The following ENOX1 variants were observed in gnomAD, a reference collection of about 807,000 sequenced individuals.
ENOX1 encodes candidate growth-related and time keeping constitutive hydroquinone (NADH) oxidase.
A neutral mutation model predicts 82.5 loss-of-function variants in ENOX1; 42 were observed. The observed-to-expected ratio is 0.51, with a 90% CI of 0.40 to 0.66. The LOEUF (loss-of-function observed/expected upper bound fraction) is 0.66. Among genes scored for constraint, ENOX1 ranks in the 30% least tolerant of loss-of-function variants. The pLI, the probability that ENOX1 is intolerant of heterozygous loss-of-function variation, is 0.00. For synonymous variants in ENOX1, 271 were observed against 282.2 expected, an observed-to-expected ratio of 0.96 and a Z score of 0.40; for missense variants, 608 against 811.6, an observed-to-expected ratio of 0.75 and a Z score of 3.05.
chr13:43,692,120 T>C (rs1445674148), intron 1 of ENOX1, among the ~76,000 whole-genome samples: 1 of 152,154 alleles, frequency 6.6e-6, no homozygotes, highest in Non-Finnish European at 1.5e-5. Context: ...AATTGACATA[T>C]GGAACAGAAT....
At chr13:43,673,325 T>C (rs1327222487) in intron 1 of ENOX1, among the ~76,000 whole-genome samples, 1 of 152,104 alleles carries the variant, frequency 6.6e-6, no homozygotes, top group Non-Finnish European at 1.5e-5. Context: ...ACCATATCCC[T>C]GACACATACG....
chr13:43,736,819 G>A (rs962931801), intron 1 of ENOX1, among the ~76,000 whole-genome samples: 1 of 152,134 alleles, frequency 6.6e-6, no homozygotes, highest in Admixed American at 6.5e-5. Flanking sequence ...TGAAGAAAAG[G>A]GAGGCAGAAA....
chr13:43,345,547 G>A (rs1452170888), intron 8 of ENOX1, among the ~76,000 whole-genome samples: 1 of 152,166 alleles, frequency 6.6e-6, no homozygotes, highest in Non-Finnish European at 1.5e-5. Flanking sequence ...AAACAGACTT[G>A]CCTATTTGGG....
intron 8 of ENOX1, among the ~76,000 whole-genome samples, chr13:43,352,421 C>A (rs945285300): frequency 6.6e-6 from 1 of 152,246 alleles, no homozygotes; most frequent in South Asian, 2.1e-4. Flanking sequence ...TCTAATCAAT[C>A]TCTTCCTCCC....
intron 2 of ENOX1, among the ~76,000 whole-genome samples, chr13:43,663,426 C>A (rs1004351578): frequency 2.6e-5 from 4 of 152,156 alleles, no homozygotes; most frequent in African/African-American, 7.2e-5. Flanking sequence ...CCCTCTGTTT[C>A]ATTTAGAATG....
At chr13:43,363,902 G>C (rs142529667) in intron 5 of ENOX1, among the ~76,000 whole-genome samples, 9 of 152,218 alleles carry the variant, frequency 5.9e-5, no homozygotes, top group African/African-American at 2.2e-4. Context: ...GAGTTGCTTT[G>C]CTTTTTTCTG....
chr13:43,577,633 T>C (rs1487843374), intron 2 of ENOX1, among the ~76,000 whole-genome samples: 1 of 152,214 alleles, frequency 6.6e-6, no homozygotes, highest in African/African-American at 2.4e-5. Flanking sequence ...TTCATGAGAA[T>C]GAAGCCCTCA....
intron 6 of ENOX1, 41 bp from the exon 7 acceptor site, chr13:43,360,098 A>T (rs1207080346): frequency 6.3e-7 from 1 of 1,585,378 alleles, no homozygotes; most frequent in Non-Finnish European, 8.6e-7. Flanking sequence ...TCTTTCATTT[A>T]TTTGCTTTCT....
At chr13:43,234,249 T>C (rs926370158) in intron 15 of ENOX1, among the ~76,000 whole-genome samples, 4 of 152,144 alleles carry the variant, frequency 2.6e-5, no homozygotes, top group East Asian at 1.9e-4. Flanking sequence ...GGCATTCTTT[T>C]GGAGGATTAT....
chr13:43,656,804 A>AT (rs34734305), intron 2 of ENOX1, among the ~76,000 whole-genome samples: 7 of 151,592 alleles, frequency 4.6e-5, no homozygotes, highest in East Asian at 1.9e-4. Context: ...GCGCCTTTCT[A>AT]TTTTTTTTCA....
intron 9 of ENOX1, among the ~76,000 whole-genome samples, chr13:43,332,849 G>A (rs2048484271): frequency 6.6e-6 from 1 of 151,640 alleles, no homozygotes; most frequent in Non-Finnish European, 1.5e-5. Context: ...TGTATATACA[G>A]AAGAAAAAAG....
chr13:43,337,188 G>A (rs2048761765), intron 9 of ENOX1, among the ~76,000 whole-genome samples: 1 of 152,122 alleles, frequency 6.6e-6, no homozygotes, highest in Admixed American at 6.5e-5. Flanking sequence ...CCAATTTTCA[G>A]CACCACGTTC....
At chr13:43,302,409 A>G (rs759301183) in intron 11 of ENOX1, among the ~76,000 whole-genome samples, 3 of 152,346 alleles carry the variant, frequency 2.0e-5, no homozygotes, top group Admixed American at 6.5e-5. Flanking sequence ...AGCATTCACA[A>G]GAAGCTTAAG....
chr13:43,511,408 T>C (rs1056499478), intron 2 of ENOX1, among the ~76,000 whole-genome samples: 1 of 152,192 alleles, frequency 6.6e-6, no homozygotes, highest in African/African-American at 2.4e-5. Flanking sequence ...ATAGAGTTCA[T>C]GCAGTTACAT....
chr13:43,427,298 T>A (rs1233349717), intron 3 of ENOX1, among the ~76,000 whole-genome samples: 1 of 152,150 alleles, frequency 6.6e-6, no homozygotes, highest in Non-Finnish European at 1.5e-5. Context: ...ACATCCTCGA[T>A]CTCATGAAAA....
chr13:43,656,652 A>G (rs887772602), intron 2 of ENOX1, among the ~76,000 whole-genome samples: 1 of 152,212 alleles, frequency 6.6e-6, no homozygotes, highest in African/African-American at 2.4e-5. Flanking sequence ...AAAAATGAGA[A>G]CAAATCAGCA....
chr13:43,541,171 C>CTTTTTTTTTTTTT (rs1555317884), intron 2 of ENOX1, among the ~76,000 whole-genome samples: 7 of 38,754 alleles, frequency 1.8e-4, no homozygotes, highest in South Asian at 4.5e-3. Flanking sequence ...CTTCTTCCCT[C>CTTTTTTTTTTTTT]TGTTTTTTTT....
chr13:43,466,549 G>T (rs2057730422), intron 3 of ENOX1, among the ~76,000 whole-genome samples: 1 of 152,046 alleles, frequency 6.6e-6, no homozygotes, highest in Non-Finnish European at 1.5e-5. Context: ...GGTATATTTT[G>T]TATAAAAAAT....
At chr13:43,675,348 G>A (rs577834405) in intron 1 of ENOX1, among the ~76,000 whole-genome samples, 1 of 152,266 alleles carries the variant, frequency 6.6e-6, no homozygotes, top group South Asian at 2.1e-4. Flanking sequence ...CACTGAGATG[G>A]GGAAAACCCT....
Sources: allele counts gnomAD v4.1 joint callset (sites outside exome capture counted in the v4.1 genomes callset), GRCh38; gene constraint gnomAD v4.1.1; transcripts MANE v1.5; gene names NCBI Gene and HGNC (gene_info 2026-07-23, HGNC 2026-07-21).